The following FRAS1 variants were observed in gnomAD, a reference collection of about 807,000 sequenced individuals.
FRAS1 encodes the protein extracellular matrix organizing protein FRAS1.
FRAS1 carries 290 observed loss-of-function variants against 435.2 expected under a neutral mutation model. The ratio of observed to expected loss-of-function variants is 0.67; its 90% CI spans 0.61 to 0.73. FRAS1 has a LOEUF of 0.73. Ranked by LOEUF, FRAS1 falls within the 30% of genes least tolerant of loss-of-function variation. FRAS1 has a pLI of 0.00. For synonymous variants in FRAS1, 1,800 were observed against 1,851.0 expected (o/e 0.97, Z 0.71); for missense variants, 4,860 against 5,001.5 (o/e 0.97, Z 0.85).
Position 78,145,562 on chromosome 4 carries a change from C to T in FRAS1, c.108+79546C>T, listed in dbSNP as rs190556218. On this transcript the variant is annotated intron_variant, in intron 2 of 73. Coordinates refer to ENST00000512123, the MANE Select transcript of FRAS1 (RefSeq NM_025074.7). ...GGAAGGGTTAGAGAACCTAACTGAG[C>T]TATGAGAAGCTCGGAATGCACACTG... is the stretch of plus-strand genomic sequence containing the variant. 1.8e-3 allele frequency among the ~76,000 whole-genome samples: 279 copies of T among 152,234 alleles called. 1 individual carries two copies. Among genetic ancestry groups the T allele is most frequent in the African/African-American group, 6.4e-3 (264 of 41,532 alleles).
chr4:78,224,283 C>A (rs1472402351), intron 2 of FRAS1, among the ~76,000 whole-genome samples: 1 of 152,246 alleles, frequency 6.6e-6, no homozygotes, highest in Non-Finnish European at 1.5e-5. Flanking sequence ...GTCCTACTTT[C>A]AAATCCTGGC....
intron 5 of FRAS1, among the ~76,000 whole-genome samples, chr4:78,253,134 C>T (rs554437294): frequency 2.6e-5 from 4 of 152,268 alleles, no homozygotes; most frequent in East Asian, 3.9e-4. Flanking sequence ...ATTCCTTCCT[C>T]AGGGTATTCC....
chr4:78,306,472 C>T (rs1728721185), intron 14 of FRAS1, among the ~76,000 whole-genome samples: 1 of 76,932 alleles, frequency 1.3e-5, no homozygotes, highest in African/African-American at 5.7e-5. Context: ...CAACTTGGTT[C>T]CATTCTCCAC....
chr4:78,384,782 C>G (rs886822827), intron 28 of FRAS1, among the ~76,000 whole-genome samples: 8 of 151,430 alleles, frequency 5.3e-5, no homozygotes, highest in African/African-American at 1.9e-4. Context: ...TGATGCATTC[C>G]TATAGTCCCA....
chr4:78,382,130 C>T (rs1732045816), intron 27 of FRAS1, among the ~76,000 whole-genome samples: 1 of 152,034 alleles, frequency 6.6e-6, no homozygotes, highest in African/African-American at 2.4e-5. Flanking sequence ...GTGTAGTTGC[C>T]ATCACTGGAA....
chr4:78,374,296 C>CA, intron 25 of FRAS1, 45 bp downstream of exon 25: 1 of 1,519,378 alleles, frequency 6.6e-7, no homozygotes, highest in Non-Finnish European at 9.0e-7. Context: ...GTGAGGGCAG[C>CA]AAGTAAGTCA....
chr4:78,252,388 A>G lies in FRAS1; in HGVS notation c.310-4A>G. On this transcript the variant is annotated splice_region_variant and splice_polypyrimidine_tract_variant and intron_variant, in intron 4 of 73. Coordinates refer to ENST00000512123, the MANE Select transcript of FRAS1 (RefSeq NM_025074.7). ...TTTTTTTTTTCTGTCTCCCTAACAC[A>G]CAGCATGGGACAGAATGGGCCTCTT... The G allele has an allele frequency of 6.2e-7, 1 of 1,610,960 alleles. No homozygotes were observed. The highest frequency in any genetic ancestry group is 1.3e-5 in the African/African-American group (1 of 74,542).
At chr4:78,249,045 AC>A (rs1207839693) in intron 4 of FRAS1, among the ~76,000 whole-genome samples, 697 of 62,612 alleles carry the variant, frequency 0.011, 46 homozygotes, top group East Asian at 0.051. Context: ...ATGAAGAACT[AC>A]TGATATATAT....
chr4:78,117,523 G>C (rs971022321), intron 2 of FRAS1, among the ~76,000 whole-genome samples: 24 of 152,144 alleles, frequency 1.6e-4, no homozygotes, highest in African/African-American at 5.1e-4. Flanking sequence ...TGGAGGCTTT[G>C]TTAATTTCTT....
chr4:78,134,732 C>T (rs1719849584), intron 2 of FRAS1, among the ~76,000 whole-genome samples: 1 of 151,974 alleles, frequency 6.6e-6, no homozygotes. Flanking sequence ...ATTTTAATAT[C>T]CTAGGTATGG....
chr4:78,064,525 A>G (rs1341725359), intron 1 of FRAS1, among the ~76,000 whole-genome samples: 1 of 151,960 alleles, frequency 6.6e-6, no homozygotes, highest in Admixed American at 6.6e-5. Context: ...ATTTTTGCTT[A>G]TACATATGCC....
chr4:78,064,808 G>A (rs1739922736), intron 1 of FRAS1, among the ~76,000 whole-genome samples: 1 of 151,826 alleles, frequency 6.6e-6, no homozygotes, highest in Non-Finnish European at 1.5e-5. Flanking sequence ...TGATCCATTA[G>A]AGGTAAGCAC....
rs1487562776 is a variant in FRAS1, at chr4:78,534,499, T to G, written c.10976T>G (p.Val3659Gly). The change falls in exon 71 of 74, where the codon GTG (valine) becomes GGG (glycine). Residue 3659 changes from valine (V) to glycine (G), a missense_variant. Val to Gly is a moderately radical substitution (Grantham distance 109, BLOSUM62 -3). Transcript: ENST00000512123. ...FQQTNRPVPV[V>G]YSLNTEFQLC... is the part of the protein sequence containing the mutation. ...CAGACCAACCGCCCTGTGCCAGTTG[T>G]GTATTCACTTAACACTGAATTTCAG... 6.2e-7 allele frequency: 1 copy of G among 1,613,774 alleles called. No individual in the cohort carries two copies.
intron 2 of FRAS1, among the ~76,000 whole-genome samples, chr4:78,091,653 A>G (rs915298256): frequency 1.4e-5 from 2 of 148,000 alleles, no homozygotes; most frequent in South Asian, 2.1e-4. Flanking sequence ...GTGAATCTAT[A>G]TATATATTTT....
intron 26 of FRAS1, 90 bp from the exon 27 acceptor site, chr4:78,379,636 G>T (rs1731928486): frequency 4.1e-6 from 5 of 1,206,102 alleles, no homozygotes; most frequent in Non-Finnish European, 6.0e-6. Flanking sequence ...TTGTAAGGAG[G>T]TGGTCTGAAA....
In FRAS1 at chr4:78,450,738, G is replaced by C. The variant is rs1578332418; in HGVS notation, c.6463+399G>C. 2.0e-5 allele frequency among the ~76,000 whole-genome samples: 3 copies of C among 152,282 alleles called. No individual in the cohort carries two copies. In the East Asian group the frequency reaches 5.8e-4, roughly 29 times the overall value. ...CTTTTCAGCTCCCCAAAGAGCACAA[G>C]TTAATGAACTAAGCAAAATGGAAGG... On this transcript the variant is annotated intron_variant, in intron 45 of 73. Transcript: ENST00000512123.
At chr4:78,164,820 C>G (rs1178129334) in intron 2 of FRAS1, among the ~76,000 whole-genome samples, 2 of 152,154 alleles carry the variant, frequency 1.3e-5, no homozygotes, top group East Asian at 3.8e-4. Flanking sequence ...CTAGCCTAAA[C>G]ACAGTCTAAA....
intron 29 of FRAS1, among the ~76,000 whole-genome samples, chr4:78,394,196 T>C (rs1295435191): frequency 6.6e-6 from 1 of 152,078 alleles, no homozygotes; most frequent in Non-Finnish European, 1.5e-5. Context: ...TCCCTTGCTG[T>C]GCAGATGCTT....
At chr4:78,319,325 A>G in intron 18 of FRAS1, 2 of 469,862 alleles carry the variant, frequency 4.3e-6, no homozygotes, top group Non-Finnish European at 8.5e-6. Flanking sequence ...TATTCCTTCT[A>G]ATTTGCTACT....
Sources: allele counts gnomAD v4.1 joint callset (sites outside exome capture counted in the v4.1 genomes callset), GRCh38; gene constraint gnomAD v4.1.1; transcripts MANE v1.5; gene names NCBI Gene and HGNC (gene_info 2026-07-23, HGNC 2026-07-21).